The following ZC3H15 variants were observed in gnomAD, a reference collection of about 807,000 sequenced individuals.
ZC3H15 encodes the protein zinc finger CCCH domain-containing protein 15.
ZC3H15 carries 15 observed loss-of-function variants against 51.2 expected under a neutral mutation model. The observed-to-expected ratio is 0.29, with a 90% CI of 0.20 to 0.45. ZC3H15 has a LOEUF of 0.45. Ranked by LOEUF, ZC3H15 falls within the 20% of genes least tolerant of loss-of-function variation. The pLI is 1.00. For missense variants in ZC3H15, 381 were observed against 494.7 expected (o/e 0.77, Z 2.18); for synonymous variants, 144 against 162.8 (o/e 0.88, Z 0.88).
At chr2:186,491,255 C>A (rs1685194759) in intron 1 of ZC3H15, among the ~76,000 whole-genome samples, 1 of 152,096 alleles carries the variant, frequency 6.6e-6, no homozygotes, top group African/African-American at 2.4e-5. Context: ...GTTCAAATAT[C>A]ATCTGTCACT....
chr2:186,507,097 T>A (rs1685481750), intron 9 of ZC3H15, among the ~76,000 whole-genome samples: 1 of 152,200 alleles, frequency 6.6e-6, no homozygotes, highest in African/African-American at 2.4e-5. Flanking sequence ...CGGGACCTCA[T>A]GAGTTTGAGA....
rs1418230699 is a variant in ZC3H15 at position 186,509,213 on chromosome 2, C to G, written c.*480C>G. 7.9e-6 allele frequency: 2 copies of G among 253,416 alleles called. No homozygotes were observed. The highest frequency in any genetic ancestry group is 1.6e-5 in the Non-Finnish European group (2 of 127,632). 15.7% of individuals were successfully genotyped at this position (253,416 alleles called of 1,614,324 possible). On this transcript the variant is annotated 3_prime_UTR_variant, in exon 10 of 10. Coordinates refer to ENST00000337859, the MANE Select transcript of ZC3H15 (RefSeq NM_018471.3). ...CGTATGCAGATTCAGTATTGTGTAT[C>G]TTTGGACAATTAGATGGACATTTAA...
chr2:186,492,514 A>G (rs919483786), intron 1 of ZC3H15, among the ~76,000 whole-genome samples: 19 of 152,242 alleles, frequency 1.2e-4, no homozygotes, highest in Non-Finnish European at 1.5e-5. Context: ...TGAAACAAGC[A>G]TTTAAGTAGA....
chr2:186,506,619 A>G, intron 8 of ZC3H15, 94 bp from the exon 9 acceptor site: 1 of 1,378,392 alleles, frequency 7.3e-7, no homozygotes, highest in Non-Finnish European at 9.8e-7. Flanking sequence ...TTTCACTTGG[A>G]TCAGTGATAA....
chr2:186,492,161 T>G (rs1167071444), intron 1 of ZC3H15, among the ~76,000 whole-genome samples: 1 of 152,194 alleles, frequency 6.6e-6, no homozygotes, highest in Non-Finnish European at 1.5e-5. Flanking sequence ...CGCAGTTTAT[T>G]TTCTCTGGCA....
chr2:186,500,275 G>A lies in ZC3H15; in HGVS notation c.271G>A (p.Ala91Thr). ...TGAGCTGTTCAAACCTGTAGTTGCT[G>A]CTCAAAAAATAAGTAAAGGTAAACT... The part of the protein sequence containing the change: ...LNELFKPVVA[A>T]QKISKGADPK... The change falls in exon 3 of 10, where the codon GCT (alanine) becomes ACT (threonine). Residue 91 changes from alanine (A) to threonine (T), a missense_variant. Physicochemically the swap from Ala to Thr is moderately conservative, Grantham distance 58. Around this residue, in one of 3 missense-constraint regions of ZC3H15, gnomAD observed 125 missense variants for 166.3 expected, o/e 0.75. Transcript: ENST00000337859. The A allele has an allele frequency of 6.2e-7, 1 of 1,606,110 alleles. No individual in the cohort carries two copies. Among genetic ancestry groups the A allele is most frequent in the Non-Finnish European group, 8.5e-7 (1 of 1,178,012 alleles).
At chr2:186,507,738 C>A (rs1685490212) in intron 9 of ZC3H15, among the ~76,000 whole-genome samples, 1 of 152,166 alleles carries the variant, frequency 6.6e-6, no homozygotes, top group Non-Finnish European at 1.5e-5. Flanking sequence ...TAAAAGCACA[C>A]AAGCTGTAAC....
intron 8 of ZC3H15, chr2:186,506,223 C>T: frequency 3.0e-6 from 1 of 333,342 alleles, no homozygotes; most frequent in South Asian, 2.7e-5. Flanking sequence ...TAATTTAAAA[C>T]TGCAGTGTAG....
Position 186,508,514 on chromosome 2 carries a change from G to A in ZC3H15, c.1091-29G>A, listed in dbSNP as rs369932102. ...GTGGAATGGTGTTTTCTGCTTCTAC[G>A]CCTTACTGATTCCAGTTTTTATATT... On this transcript the variant is annotated intron_variant, in intron 9 of 9. Coordinates refer to ENST00000337859, the MANE Select transcript of ZC3H15 (RefSeq NM_018471.3). The A allele has an allele frequency of 4.7e-5, 75 of 1,602,574 alleles. 1 individual carries two copies. Among genetic ancestry groups the A allele is most frequent in the South Asian group, 3.6e-4 (33 of 90,562 alleles).
chr2:186,502,650 G>A (rs1202607978), intron 5 of ZC3H15, 63 bp downstream of exon 5: 2 of 1,303,408 alleles, frequency 1.5e-6, no homozygotes, highest in Non-Finnish European at 2.1e-6. Context: ...TATGTGGCAA[G>A]GTATTTGCTG....
intron 2 of ZC3H15, among the ~76,000 whole-genome samples, chr2:186,497,353 A>G (rs968822905): frequency 2.0e-5 from 3 of 152,194 alleles, no homozygotes; most frequent in Non-Finnish European, 4.4e-5. Flanking sequence ...TCTAGAATCT[A>G]AAACTATTGC....
intron 1 of ZC3H15, among the ~76,000 whole-genome samples, chr2:186,493,590 G>GT (rs1685233214): frequency 6.6e-6 from 1 of 152,102 alleles, no homozygotes. Context: ...TAGAACTGCT[G>GT]TAACATGACT....
At chr2:186,503,979 C>T in intron 5 of ZC3H15, 53 bp from the exon 6 acceptor site, 1 of 1,424,580 alleles carries the variant, frequency 7.0e-7, no homozygotes, top group Non-Finnish European at 9.3e-7. Context: ...AGGCATTTAC[C>T]TTGGAAATGG....
At chr2:186,488,558 C>G (rs921745149) in intron 1 of ZC3H15, 3 of 152,124 alleles carry the variant, frequency 2.0e-5, no homozygotes, top group Non-Finnish European at 4.4e-5. Flanking sequence ...AATATGTCAC[C>G]TTTTGTGTTT....
At chr2:186,487,127 T>A (rs1415046818) in intron 1 of ZC3H15, 2 of 152,180 alleles carry the variant, frequency 1.3e-5, no homozygotes, top group South Asian at 4.1e-4. Context: ...GTTTGAGATA[T>A]ATGTGTGTGT....
rs1187949188 is a variant in ZC3H15 at position 186,505,952 on chromosome 2, A to C, written c.966+111A>C. 2.8e-6 allele frequency: 3 copies of C among 1,077,998 alleles called. No individual in the cohort carries two copies. In the African/African-American group the frequency reaches 4.7e-5, roughly 17 times the overall value. 66.8% of individuals were successfully genotyped at this position (1,077,998 alleles called of 1,614,324 possible). A position where few individuals can be genotyped will look rare whatever the true frequency, so the allele number is the denominator to read the frequency against. The stretch of plus-strand genomic sequence containing the variant: ...ATCAGAGCCACAGTGCCTGGGTTCA[A>C]ATCCTTACTCCAACCATGGGAAATT... On this transcript the variant is annotated intron_variant, in intron 8 of 9. Transcript: ENST00000337859.
chr2:186,492,637 T>C (rs1685218165), intron 1 of ZC3H15, among the ~76,000 whole-genome samples: 1 of 152,156 alleles, frequency 6.6e-6, no homozygotes, highest in African/African-American at 2.4e-5. Context: ...CTTAAGACTA[T>C]TGAAAGATCT....
chr2:186,500,159 T>G, intron 2 of ZC3H15, 23 bp from the exon 3 acceptor site: 1 of 1,576,868 alleles, frequency 6.3e-7, no homozygotes, highest in South Asian at 1.2e-5. Flanking sequence ...CAAATTTACA[T>G]TTTAAACCTG....
chr2:186,498,575 A>G (rs1056454968), intron 2 of ZC3H15, among the ~76,000 whole-genome samples: 2 of 152,238 alleles, frequency 1.3e-5, no homozygotes, highest in African/African-American at 4.8e-5. Context: ...TTTTGTGTTT[A>G]AACACATCCA....
Sources: gnomAD v4.1 joint callset for allele counts (sites outside exome capture counted in the v4.1 genomes callset) on GRCh38, gnomAD v4.1.1 for gene constraint, gnomAD v4.1.1 regional missense constraint, MANE v1.5 for transcripts, NCBI Gene and HGNC (gene_info 2026-07-23, HGNC 2026-07-21) for gene names.